The following CEP112 variants were observed in gnomAD, a reference collection of about 807,000 sequenced individuals.
CEP112 encodes the protein centrosomal protein 112, also known as centrosomal protein of 112 kDa.
CEP112 carries 127 observed loss-of-function variants against 153.0 expected under a neutral mutation model. The ratio of observed to expected loss-of-function variants is 0.83; its 90% CI spans 0.72 to 0.96. The LOEUF is 0.96. CEP112 is among the 40% of genes least tolerant of loss of function. The pLI is 0.00. For synonymous variants in CEP112, 358 were observed against 374.4 expected, an observed-to-expected ratio of 0.96 and a Z score of 0.51; for missense variants, 1,089 against 1,101.2, an observed-to-expected ratio of 0.99 and a Z score of 0.16.
At chr17:66,108,574 C>A (rs2068884555) in intron 6 of CEP112, among the ~76,000 whole-genome samples, 1 of 152,132 alleles carries the variant, frequency 6.6e-6, no homozygotes, top group African/African-American at 2.4e-5. Context: ...TATCATCTCA[C>A]CCCAGTTAAA....
At chr17:66,188,302 C>CAA (rs2073020740) in intron 1 of CEP112, among the ~76,000 whole-genome samples, 1 of 140,940 alleles carries the variant, frequency 7.1e-6, no homozygotes, top group Non-Finnish European at 1.6e-5. Context: ...CACACACACA[C>CAA]ACACACACAC....
intron 19 of CEP112, among the ~76,000 whole-genome samples, chr17:65,908,172 T>C (rs1473353173): frequency 6.6e-6 from 1 of 152,094 alleles, no homozygotes; most frequent in Admixed American, 6.5e-5. Flanking sequence ...TCCAAAAGCA[T>C]TGAGCTATGA....
At chr17:66,135,421 A>G (rs867601684) in intron 4 of CEP112, among the ~76,000 whole-genome samples, 2 of 152,212 alleles carry the variant, frequency 1.3e-5, no homozygotes, top group Admixed American at 1.3e-4. Flanking sequence ...AAGTGGGAGA[A>G]AAGTTCAACC....
intron 21 of CEP112, among the ~76,000 whole-genome samples, chr17:65,791,069 TG>T (rs541090860): frequency 3.2e-4 from 48 of 149,570 alleles, no homozygotes; most frequent in African/African-American, 1.1e-3. Flanking sequence ...CATATGATTT[TG>T]GGGGGGATTT....
chr17:65,674,467 C>A (rs1235425640), intron 24 of CEP112, among the ~76,000 whole-genome samples: 1 of 152,112 alleles, frequency 6.6e-6, no homozygotes, highest in African/African-American at 2.4e-5. Flanking sequence ...AGAAGCTGAA[C>A]AAATCTTTCT....
chr17:65,751,338 T>C (rs1429280688), intron 21 of CEP112, among the ~76,000 whole-genome samples: 1 of 152,230 alleles, frequency 6.6e-6, no homozygotes, highest in African/African-American at 2.4e-5. Context: ...GGTTATCCCC[T>C]CTGCCACTCA....
At chr17:65,781,629 C>T (rs1021674545) in intron 21 of CEP112, among the ~76,000 whole-genome samples, 4 of 152,036 alleles carry the variant, frequency 2.6e-5, no homozygotes, top group Non-Finnish European at 4.4e-5. Flanking sequence ...GTAACCAAAA[C>T]AGCATGGTAC....
At chr17:65,830,535 G>A (rs774257625) in intron 21 of CEP112, among the ~76,000 whole-genome samples, 56 of 152,242 alleles carry the variant, frequency 3.7e-4, no homozygotes, top group Admixed American at 6.5e-4. Flanking sequence ...ACAAACAGCC[G>A]GCACTGATTA....
At chr17:66,107,539 T>C (rs184004969) in intron 6 of CEP112, among the ~76,000 whole-genome samples, 2 of 152,066 alleles carry the variant, frequency 1.3e-5, no homozygotes, top group Admixed American at 6.6e-5. Context: ...TTAATTCCAT[T>C]TACAATAGAT....
intron 20 of CEP112, among the ~76,000 whole-genome samples, chr17:65,854,023 C>T (rs755523014): frequency 8.5e-5 from 13 of 152,164 alleles, no homozygotes; most frequent in Non-Finnish European, 1.6e-4. Context: ...TCATATCAAG[C>T]TTGTTACATA....
At chr17:65,805,736 C>T (rs1332518349) in intron 21 of CEP112, among the ~76,000 whole-genome samples, 1 of 152,152 alleles carries the variant, frequency 6.6e-6, no homozygotes, top group East Asian at 1.9e-4. Flanking sequence ...CTCTTTAAAA[C>T]TCTTTTAAGC....
At chr17:65,960,081 T>C (rs57103914) in intron 18 of CEP112, among the ~76,000 whole-genome samples, 1 of 152,286 alleles carries the variant, frequency 6.6e-6, no homozygotes, top group African/African-American at 2.4e-5. Flanking sequence ...TCCCACCCAG[T>C]GTGTGCTTGG....
chr17:65,937,386 G>C (rs942149298), intron 18 of CEP112, among the ~76,000 whole-genome samples: 1 of 117,074 alleles, frequency 8.5e-6, no homozygotes. Flanking sequence ...GTCTCTGCCC[G>C]GCTGCCCATC....
At chr17:65,744,132 A>G (rs9901736) in intron 22 of CEP112, among the ~76,000 whole-genome samples, 18,789 of 152,120 alleles carry the variant, frequency 0.12, 2,163 homozygotes, top group African/African-American at 0.3. Flanking sequence ...GTTGAAAATG[A>G]CATCCAACTA....
intron 19 of CEP112, among the ~76,000 whole-genome samples, chr17:65,925,635 A>T (rs1242688770): frequency 2.0e-5 from 3 of 152,174 alleles, no homozygotes; most frequent in African/African-American, 7.2e-5. Flanking sequence ...CGTAGTCAGC[A>T]TGGTAAATTG....
intron 23 of CEP112, among the ~76,000 whole-genome samples, chr17:65,701,200 A>G (rs564108826): frequency 6.6e-6 from 1 of 152,186 alleles, no homozygotes; most frequent in East Asian, 1.9e-4. Flanking sequence ...CCGGGATGGC[A>G]GCAGAGCCAC....
chr17:65,906,805 C>T (rs531563752), intron 19 of CEP112, among the ~76,000 whole-genome samples: 47 of 152,260 alleles, frequency 3.1e-4, no homozygotes, highest in African/African-American at 9.9e-4. Context: ...GCTGTTATGA[C>T]ATTTTGCTCA....
chr17:65,707,985 A>G (rs916924654), intron 23 of CEP112, among the ~76,000 whole-genome samples: 3 of 152,340 alleles, frequency 2.0e-5, no homozygotes, highest in African/African-American at 7.2e-5. Flanking sequence ...GTAGTTGAAA[A>G]TGTGTTCAAC....
intron 18 of CEP112, among the ~76,000 whole-genome samples, chr17:65,944,473 CAAT>C (rs373115642): frequency 5.9e-5 from 9 of 152,142 alleles, no homozygotes; most frequent in South Asian, 2.1e-4. Context: ...AAAAGAAAAG[CAAT>C]AAAGTTAAAT....
Sources: allele counts gnomAD v4.1 joint callset (sites outside exome capture counted in the v4.1 genomes callset), GRCh38; gene constraint gnomAD v4.1.1; transcripts MANE v1.5; gene names NCBI Gene and HGNC (gene_info 2026-07-23, HGNC 2026-07-21).